CNTN4: variants seen among roughly 807,000 people sequenced by gnomAD.
CNTN4 encodes contactin 4.
CNTN4 carries 77 observed loss-of-function variants against 122.5 expected under a neutral mutation model. The observed-to-expected ratio is 0.63, with a 90% confidence interval of 0.52 to 0.76. The LOEUF (loss-of-function observed/expected upper bound fraction) is 0.76, where lower values mean the gene tolerates loss of function less well. Ranked by LOEUF, CNTN4 falls within the 30% of genes least tolerant of loss-of-function variation. The pLI is 0.00. For missense variants in CNTN4, 1,256 were observed against 1,259.1 expected (o/e 1.00, Z 0.04); for synonymous variants, 512 against 447.0 (o/e 1.15, Z -1.83).
At chr3:2,889,547 G>A (rs1012595686) in intron 10 of CNTN4, among the ~76,000 whole-genome samples, 11 of 152,138 alleles carry the variant, frequency 7.2e-5, no homozygotes, top group Admixed American at 2.0e-4. Flanking sequence ...ATTTTTAACT[G>A]TGTAGGGCTC....
chr3:2,368,876 T>C (rs1166974923), intron 3 of CNTN4, among the ~76,000 whole-genome samples: 1 of 152,138 alleles, frequency 6.6e-6, no homozygotes, highest in Non-Finnish European at 1.5e-5. Context: ...AAACTTTCAT[T>C]GTGTGTTGAG....
At chr3:2,195,697 C>T (rs545621623) in intron 2 of CNTN4, among the ~76,000 whole-genome samples, 18 of 152,318 alleles carry the variant, frequency 1.2e-4, no homozygotes, top group African/African-American at 4.1e-4. Context: ...CCACCACTGA[C>T]AAGTGTCACT....
intron 3 of CNTN4, among the ~76,000 whole-genome samples, chr3:2,359,480 C>T (rs2045022783): frequency 1.3e-5 from 2 of 152,102 alleles, no homozygotes; most frequent in East Asian, 3.9e-4. Flanking sequence ...CATTTTCTAC[C>T]TTAAGACTGA....
At chr3:2,348,817 A>G (rs2044500793) in intron 3 of CNTN4, among the ~76,000 whole-genome samples, 1 of 152,208 alleles carries the variant, frequency 6.6e-6, no homozygotes, top group Admixed American at 6.5e-5. Flanking sequence ...GAAAAACAAG[A>G]ATTAATACCA....
intron 3 of CNTN4, among the ~76,000 whole-genome samples, chr3:2,487,523 G>A (rs1438937877): frequency 6.6e-6 from 1 of 152,096 alleles, no homozygotes; most frequent in Non-Finnish European, 1.5e-5. Flanking sequence ...CCTTCAAAAA[G>A]CCCTAGTCAA....
At chr3:2,270,333 G>C (rs971939832) in intron 2 of CNTN4, among the ~76,000 whole-genome samples, 1 of 152,110 alleles carries the variant, frequency 6.6e-6, no homozygotes, top group Non-Finnish European at 1.5e-5. Context: ...TGTCATGGGG[G>C]TTTGGTGTAC....
chr3:3,050,589 C>A lies in CNTN4; in HGVS notation c.2812-3218C>A, dbSNP rs147466482. ...GACCAGCCTGACCAACATGGTGAAACCCCGTCTCTGCTAAAAATATAAAAT... is the reference window on the plus strand; with the variant it reads ...GACCAGCCTGACCAACATGGTGAAAACCCGTCTCTGCTAAAAATATAAAAT... On this transcript the variant is annotated intron_variant, in intron 23 of 24. Transcript: ENST00000418658. Among the ~76,000 whole-genome samples the A allele has an allele frequency of 3.4e-4, 51 of 152,076 alleles. No homozygotes were observed. In the East Asian group the frequency reaches 9.5e-3, roughly 28 times the overall value.
intron 2 of CNTN4, among the ~76,000 whole-genome samples, chr3:2,314,513 T>C (rs2043025049): frequency 6.6e-6 from 1 of 151,848 alleles, no homozygotes; most frequent in Non-Finnish European, 1.5e-5. Flanking sequence ...TGATAATAGG[T>C]GAAAGGGTAG....
At chr3:2,701,379 G>A (rs74847594) in intron 4 of CNTN4, among the ~76,000 whole-genome samples, 1,567 of 152,286 alleles carry the variant, frequency 0.01, 18 homozygotes, top group African/African-American at 0.031. Flanking sequence ...GAAGCAAAAC[G>A]AGGGAGAAGA....
At chr3:2,844,369 T>C (rs956048378) in intron 7 of CNTN4, among the ~76,000 whole-genome samples, 2 of 152,202 alleles carry the variant, frequency 1.3e-5, no homozygotes, top group African/African-American at 4.8e-5. Context: ...ACCATAGATA[T>C]ATTGTGCAGT....
chr3:2,630,000 G>C (rs540603044), intron 4 of CNTN4, among the ~76,000 whole-genome samples: 1 of 152,122 alleles, frequency 6.6e-6, no homozygotes, highest in African/African-American at 2.4e-5. Flanking sequence ...ACCCTGAGCC[G>C]AATCTGCCTC....
intron 13 of CNTN4, among the ~76,000 whole-genome samples, chr3:2,966,816 T>C (rs1450300052): frequency 1.3e-5 from 2 of 152,240 alleles, no homozygotes; most frequent in Non-Finnish European, 2.9e-5. Flanking sequence ...AAAGGCATTG[T>C]ATCTTCTCTA....
intron 19 of CNTN4, 96 bp from the exon 20 acceptor site, chr3:3,039,941 G>A: frequency 6.0e-6 from 5 of 827,302 alleles, no homozygotes; most frequent in Middle Eastern, 2.2e-4. Flanking sequence ...GGGTGGAGAA[G>A]GATGTAGACA....
chr3:2,377,995 A>G (rs2045885084), intron 3 of CNTN4, among the ~76,000 whole-genome samples: 2 of 152,310 alleles, frequency 1.3e-5, no homozygotes, highest in Admixed American at 6.5e-5. Flanking sequence ...TTGTCACCTC[A>G]TGGTTTTTTC....
chr3:2,595,811 T>A (rs1165248683), intron 4 of CNTN4, among the ~76,000 whole-genome samples: 1 of 151,496 alleles, frequency 6.6e-6, no homozygotes, highest in African/African-American at 2.4e-5. Flanking sequence ...CAACAGTAGA[T>A]CTGCATGATC....
Position 2,302,596 on chromosome 3 carries a change from G to A in CNTN4, c.-144-36582G>A, listed in dbSNP as rs542352233. Among the ~76,000 whole-genome samples the A allele has an allele frequency of 1.2e-4, 18 of 152,224 alleles. No homozygotes were observed. In the South Asian group the frequency reaches 3.5e-3, roughly 30 times the overall value. On this transcript the variant is annotated intron_variant, in intron 2 of 24. Coordinates refer to ENST00000418658, the MANE Select transcript of CNTN4 (RefSeq NM_175607.3). ...TGCAATAATATTTTCTCAAATTAAT[G>A]CTCCCGCCTGAAAATCTGTGAGCCA...
chr3:2,246,904 C>G (rs1042436074), intron 2 of CNTN4, among the ~76,000 whole-genome samples: 4 of 151,876 alleles, frequency 2.6e-5, no homozygotes, highest in African/African-American at 9.7e-5. Context: ...GACATACAGA[C>G]TTGGTGGAGA....
chr3:2,822,368 C>T (rs2092895493), intron 7 of CNTN4, among the ~76,000 whole-genome samples: 1 of 152,182 alleles, frequency 6.6e-6, no homozygotes, highest in Non-Finnish European at 1.5e-5. Flanking sequence ...CCTATTGATT[C>T]TATCAACACA....
chr3:2,361,833 A>G (rs2045156298), intron 3 of CNTN4, among the ~76,000 whole-genome samples: 1 of 152,230 alleles, frequency 6.6e-6, no homozygotes, highest in South Asian at 2.1e-4. Flanking sequence ...AGGGAGCAGG[A>G]TAGACACATT....
Sources: allele counts gnomAD v4.1 joint callset (sites outside exome capture counted in the v4.1 genomes callset), GRCh38; gene constraint gnomAD v4.1.1; transcripts MANE v1.5; gene names NCBI Gene and HGNC (gene_info 2026-07-23, HGNC 2026-07-21).